The following CTIF variants were observed in gnomAD, a reference collection of about 807,000 sequenced individuals.
CTIF encodes cap binding complex dependent translation initiation factor.
Under a neutral mutation model 66.0 loss-of-function variants are expected in CTIF, and 21 were observed. That is an observed-to-expected ratio of 0.32 (90% CI 0.23 to 0.46). The LOEUF is 0.46. Among genes scored for constraint, CTIF ranks in the 20% least tolerant of loss-of-function variants. CTIF has a pLI of 1.00. For missense variants in CTIF, 739 were observed against 812.7 expected (o/e 0.91, Z 1.10); for synonymous variants, 345 against 326.4 (o/e 1.06, Z -0.62).
chr18:48,651,180 A>C (rs563691980), intron 3 of CTIF, among the ~76,000 whole-genome samples: 2 of 152,254 alleles, frequency 1.3e-5, no homozygotes, highest in African/African-American at 4.8e-5. Context: ...AAATGCCCCA[A>C]TTAAAAGACA....
At chr18:48,730,817 G>A (rs1298267808) in intron 7 of CTIF, among the ~76,000 whole-genome samples, 2 of 150,092 alleles carry the variant, frequency 1.3e-5, no homozygotes, top group Non-Finnish European at 3.0e-5. Context: ...GCCTCTGGCA[G>A]TGTGAGGGGC....
chr18:48,558,463 G>A (rs1187487288), intron 1 of CTIF, among the ~76,000 whole-genome samples: 3 of 152,186 alleles, frequency 2.0e-5, no homozygotes, highest in Non-Finnish European at 2.9e-5. Context: ...CACTGGTAGA[G>A]TTTTGAATAA....
At chr18:48,770,185 CA>C (rs1426302659) in intron 9 of CTIF, among the ~76,000 whole-genome samples, 2 of 152,228 alleles carry the variant, frequency 1.3e-5, no homozygotes, top group Non-Finnish European at 2.9e-5. Context: ...AGCAGCATGC[CA>C]GGTGTCCAGT....
chr18:48,794,915 G>A (rs1419111162), intron 9 of CTIF, among the ~76,000 whole-genome samples: 1 of 152,106 alleles, frequency 6.6e-6, no homozygotes, highest in Non-Finnish European at 1.5e-5. Flanking sequence ...ATGGGTGATC[G>A]GTAGGGGGTT....
intron 9 of CTIF, among the ~76,000 whole-genome samples, chr18:48,815,047 G>C (rs1416549312): frequency 6.6e-6 from 1 of 152,164 alleles, no homozygotes; most frequent in Admixed American, 6.5e-5. Flanking sequence ...GTGACTAAGC[G>C]TGGGCTCTGA....
At chr18:48,674,165 C>CATAAGA (rs1234930904) in intron 6 of CTIF, among the ~76,000 whole-genome samples, 1 of 152,250 alleles carries the variant, frequency 6.6e-6, no homozygotes, top group African/African-American at 2.4e-5. Context: ...GAATTGATCA[C>CATAAGA]ATAAGATACA....
At chr18:48,736,921 C>T (rs1025569250) in intron 7 of CTIF, among the ~76,000 whole-genome samples, 1 of 152,206 alleles carries the variant, frequency 6.6e-6, no homozygotes, top group Non-Finnish European at 1.5e-5. Context: ...CTCACGTTCA[C>T]ACAGCCGTGA....
intron 1 of CTIF, among the ~76,000 whole-genome samples, chr18:48,595,632 G>T (rs761210884): frequency 2.6e-5 from 4 of 152,122 alleles, no homozygotes; most frequent in Admixed American, 2.6e-4. Context: ...TCTGTATGTT[G>T]CCCATGCTGG....
intron 2 of CTIF, chr18:48,625,097 C>A: frequency 2.8e-6 from 1 of 355,764 alleles, no homozygotes; most frequent in Non-Finnish European, 3.9e-6. Flanking sequence ...TCTGCCTTCC[C>A]TGTTCACTGT....
At chr18:48,769,362 C>A (rs866299368) in intron 9 of CTIF, among the ~76,000 whole-genome samples, 1 of 152,244 alleles carries the variant, frequency 6.6e-6, no homozygotes, top group African/African-American at 2.4e-5. Context: ...CAGTGCAAGC[C>A]GCTTTCCCCG....
At chr18:48,663,215 G>A (rs2091376591) in intron 3 of CTIF, among the ~76,000 whole-genome samples, 1 of 152,232 alleles carries the variant, frequency 6.6e-6, no homozygotes, top group Admixed American at 6.5e-5. Context: ...AATCATAGAA[G>A]CTGCATTGAG....
intron 6 of CTIF, among the ~76,000 whole-genome samples, chr18:48,677,201 G>A (rs1342878736): frequency 6.6e-6 from 1 of 152,168 alleles, no homozygotes; most frequent in Admixed American, 6.5e-5. Flanking sequence ...CCCAGGAGCA[G>A]AGTCCTGAAA....
intron 1 of CTIF, among the ~76,000 whole-genome samples, chr18:48,599,663 C>T (rs1031559554): frequency 2.0e-5 from 3 of 152,150 alleles, no homozygotes; most frequent in African/African-American, 7.2e-5. Context: ...CCAGACTGTC[C>T]CCCTCATGCC....
intron 1 of CTIF, among the ~76,000 whole-genome samples, chr18:48,596,477 C>CTT (rs112975997): frequency 2.8e-5 from 4 of 145,106 alleles, no homozygotes; most frequent in Non-Finnish European, 4.6e-5. Flanking sequence ...TTCTTTCTTT[C>CTT]TTTTTTTTTT....
At chr18:48,667,862 G>A (rs1008902571) in intron 5 of CTIF, among the ~76,000 whole-genome samples, 1 of 152,184 alleles carries the variant, frequency 6.6e-6, no homozygotes, top group Non-Finnish European at 1.5e-5. Flanking sequence ...CCACCTCATG[G>A]CCAGACCAGG....
intron 3 of CTIF, among the ~76,000 whole-genome samples, chr18:48,640,960 A>T (rs565868697): frequency 1.3e-5 from 2 of 152,240 alleles, no homozygotes; most frequent in South Asian, 4.1e-4. Context: ...GTAGAGCATA[A>T]AAAGGGCTAC....
chr18:48,695,502 TA>T (rs1451454829), intron 6 of CTIF, among the ~76,000 whole-genome samples: 3 of 152,226 alleles, frequency 2.0e-5, no homozygotes, highest in African/African-American at 7.2e-5. Flanking sequence ...CTCATGGGAA[TA>T]GGCTTTGATG....
At chr18:48,671,757 T>C (rs2091538145) in intron 6 of CTIF, among the ~76,000 whole-genome samples, 2 of 151,400 alleles carry the variant, frequency 1.3e-5, no homozygotes, top group Admixed American at 1.3e-4. Flanking sequence ...ATTGTATGTA[T>C]TCTATGCTTC....
chr18:48,669,191 AT>A (rs35015068), intron 5 of CTIF, among the ~76,000 whole-genome samples: 10 of 149,828 alleles, frequency 6.7e-5, no homozygotes, highest in Non-Finnish European at 1.0e-4. Context: ...ACCAAAACTG[AT>A]TTTTTTTTTG....
Sources: gnomAD v4.1 joint callset for allele counts (sites outside exome capture counted in the v4.1 genomes callset) on GRCh38, gnomAD v4.1.1 for gene constraint, MANE v1.5 for transcripts, NCBI Gene and HGNC (gene_info 2026-07-23, HGNC 2026-07-21) for gene names.